Variants in DGKB observed in about 807,000 individuals in gnomAD.
DGKB encodes diacylglycerol kinase beta.
DGKB carries 67 observed loss-of-function variants against 114.3 expected under a neutral mutation model. That is an observed-to-expected ratio of 0.59 (90% confidence interval 0.48 to 0.72). The LOEUF is 0.72. Ranked by LOEUF, DGKB falls within the 30% of genes least tolerant of loss-of-function variation. The pLI, the probability that DGKB is intolerant of heterozygous loss-of-function variation, is 0.00. For synonymous variants in DGKB, 398 were observed against 323.1 expected (o/e 1.23, Z -2.49); for missense variants, 907 against 975.2 (o/e 0.93, Z 0.93).
At chr7:14,360,777 A>T (rs762763484) in intron 21 of DGKB, among the ~76,000 whole-genome samples, 2 of 152,136 alleles carry the variant, frequency 1.3e-5, no homozygotes, top group Non-Finnish European at 2.9e-5. Flanking sequence ...AAAATGCAAC[A>T]TAGGGAGTTC....
intron 13 of DGKB, among the ~76,000 whole-genome samples, chr7:14,653,724 T>C (rs563317064): frequency 3.3e-5 from 5 of 151,878 alleles, no homozygotes; most frequent in African/African-American, 4.8e-5. Context: ...ATGGTTCATA[T>C]ATGCAAATCA....
At chr7:14,426,797 G>A (rs1827627856) in intron 21 of DGKB, among the ~76,000 whole-genome samples, 1 of 152,076 alleles carries the variant, frequency 6.6e-6, no homozygotes, top group Non-Finnish European at 1.5e-5. Flanking sequence ...GCTCATGCCT[G>A]TAATCCAAGC....
At chr7:14,692,605 T>C (rs1823069965) in intron 9 of DGKB, among the ~76,000 whole-genome samples, 1 of 151,678 alleles carries the variant, frequency 6.6e-6, no homozygotes, top group African/African-American at 2.4e-5. Context: ...TACTCAGTTA[T>C]GTGTAGTATA....
chr7:14,290,662 C>T (rs1431283381), intron 23 of DGKB, among the ~76,000 whole-genome samples: 15 of 152,142 alleles, frequency 9.9e-5, no homozygotes, highest in Non-Finnish European at 2.9e-5. Context: ...ACACTAACTA[C>T]TCTTCACATG....
chr7:14,311,877 G>A (rs983343783), intron 23 of DGKB, among the ~76,000 whole-genome samples: 8 of 152,090 alleles, frequency 5.3e-5, no homozygotes, highest in African/African-American at 1.9e-4. Context: ...GGGGGAGGTG[G>A]TCTCTGGAAT....
At chr7:14,482,213 C>G (rs944091761) in intron 20 of DGKB, among the ~76,000 whole-genome samples, 2 of 151,846 alleles carry the variant, frequency 1.3e-5, no homozygotes, top group Admixed American at 1.3e-4. Flanking sequence ...TAGAATTGTG[C>G]CTGGTGTATA....
chr7:14,722,898 T>A (rs892820089), intron 5 of DGKB, among the ~76,000 whole-genome samples: 21 of 152,066 alleles, frequency 1.4e-4, no homozygotes, highest in South Asian at 4.1e-4. Flanking sequence ...CCACTTTTTT[T>A]AAATGTTTCT....
chr7:14,244,933 A>G (rs1444068908), intron 23 of DGKB, among the ~76,000 whole-genome samples: 2 of 152,132 alleles, frequency 1.3e-5, no homozygotes, highest in African/African-American at 4.8e-5. Context: ...TATTTTTGTT[A>G]TAACAGCCCA....
intron 23 of DGKB, among the ~76,000 whole-genome samples, chr7:14,245,041 T>G (rs1404514456): frequency 6.6e-6 from 1 of 152,148 alleles, no homozygotes; most frequent in Non-Finnish European, 1.5e-5. Flanking sequence ...GAGTCATGTA[T>G]GCAGTACTTT....
chr7:14,364,087 G>C (rs375802228), intron 21 of DGKB, among the ~76,000 whole-genome samples: 3 of 151,912 alleles, frequency 2.0e-5, no homozygotes, highest in Admixed American at 6.6e-5. Context: ...CAAAGAATAT[G>C]CAAAATTTTG....
At chr7:14,677,348 G>C (rs553214843) in intron 12 of DGKB, among the ~76,000 whole-genome samples, 1 of 152,036 alleles carries the variant, frequency 6.6e-6, no homozygotes, top group South Asian at 2.1e-4. Flanking sequence ...TTGAAGACCT[G>C]ATTTGGAGGC....
intron 25 of DGKB, among the ~76,000 whole-genome samples, chr7:14,174,092 G>A (rs1351369208): frequency 2.0e-5 from 3 of 152,112 alleles, no homozygotes; most frequent in African/African-American, 7.2e-5. Flanking sequence ...AGCTTGAAAG[G>A]TAGTCAGGGA....
chr7:14,350,618 G>A (rs1813268563), intron 21 of DGKB, among the ~76,000 whole-genome samples: 1 of 151,540 alleles, frequency 6.6e-6, no homozygotes, highest in Admixed American at 6.6e-5. Flanking sequence ...TTTTACAGGT[G>A]CATTTGTTTT....
At position 14,371,882 on chromosome 7, in the gene DGKB, G is replaced by A. The variant is rs180859210; in HGVS notation, c.1836-26491C>T. ...TATTTTCCACAGTTCTGGCTGTGGA[G>A]GCTCCTACTTCACTCCAGAGCAGGC... is the stretch of plus-strand genomic sequence containing the variant. On this transcript the variant is annotated intron_variant, in intron 21 of 25. Transcript: ENST00000402815. Among the ~76,000 whole-genome samples the A allele has an allele frequency of 4.5e-3, 686 of 152,242 alleles. 7 individuals carry two copies. Among genetic ancestry groups the A allele is most frequent in the African/African-American group, 0.016 (645 of 41,542 alleles).
chr7:14,313,455 ACT>A (rs1440002915), intron 23 of DGKB, among the ~76,000 whole-genome samples: 3 of 152,148 alleles, frequency 2.0e-5, no homozygotes, highest in Non-Finnish European at 4.4e-5. Context: ...GCATTGCCTC[ACT>A]CGGGAAGCGC....
chr7:14,529,115 T>G (rs562956027), intron 20 of DGKB, among the ~76,000 whole-genome samples: 29 of 151,154 alleles, frequency 1.9e-4, no homozygotes, highest in African/African-American at 6.5e-4. Context: ...GTATTTACAA[T>G]GATTCTGAAA....
chr7:14,735,128 C>T (rs1052496454), intron 5 of DGKB, among the ~76,000 whole-genome samples: 2 of 152,212 alleles, frequency 1.3e-5, no homozygotes, highest in Admixed American at 6.5e-5. Context: ...GCACAATGAG[C>T]TCCCTGCTAA....
At chr7:14,669,497 T>C (rs1350854815) in intron 13 of DGKB, among the ~76,000 whole-genome samples, 1 of 152,164 alleles carries the variant, frequency 6.6e-6, no homozygotes, top group Non-Finnish European at 1.5e-5. Flanking sequence ...TCAACTCTAC[T>C]CAACTGTCTC....
At chr7:14,695,427 G>C (rs1464600155) in intron 8 of DGKB, among the ~76,000 whole-genome samples, 6 of 150,732 alleles carry the variant, frequency 4.0e-5, no homozygotes, top group Non-Finnish European at 8.9e-5. Flanking sequence ...AAAACTTCTA[G>C]GGACGCTCCA....
Sources: gnomAD v4.1 joint callset for allele counts (sites outside exome capture counted in the v4.1 genomes callset) on GRCh38, gnomAD v4.1.1 for gene constraint, MANE v1.5 for transcripts, NCBI Gene and HGNC (gene_info 2026-07-23, HGNC 2026-07-21) for gene names.